The following PARP3 variants were observed in gnomAD, a reference collection of about 807,000 sequenced individuals.
PARP3 encodes poly(ADP-ribose) polymerase family member 3.
Under a neutral mutation model 58.2 loss-of-function variants are expected in PARP3, and 46 were observed. That is an observed-to-expected ratio of 0.79 (90% CI 0.62 to 1.01). The LOEUF (loss-of-function observed/expected upper bound fraction) is 1.01. PARP3 is among the 50% of genes least tolerant of loss of function. The pLI is 0.00. For missense variants in PARP3, 663 were observed against 683.9 expected (o/e 0.97, Z 0.34); for synonymous variants, 252 against 266.4 (o/e 0.95, Z 0.53).
intron 7 of PARP3, 101 bp downstream of exon 7, chr3:51,945,745 C>A: frequency 6.5e-7 from 1 of 1,526,798 alleles, no homozygotes; most frequent in Non-Finnish European, 9.1e-7. Flanking sequence ...TCAGCCTTCT[C>A]TTCCTGTGTC....
chr3:51,947,595 A>G (rs1699709238), intron 9 of PARP3, 145 bp from the exon 10 acceptor site: 3 of 811,578 alleles, frequency 3.7e-6, no homozygotes, highest in Admixed American at 4.7e-5. Flanking sequence ...GGCCGGGACA[A>G]GGAGGGAGTG....
rs1227928596 is a variant in PARP3 at position 51,943,484 on chromosome 3, G to T, written c.129G>T (p.Lys43Asn). The change falls in exon 2 of 11, where the codon AAG (lysine) becomes AAT (asparagine). Residue 43 changes from lysine to asparagine, a missense_variant. Around this residue, in one of 3 missense-constraint regions of PARP3, gnomAD observed 567 missense variants for 553.6 expected, o/e 1.02. Transcript: ENST00000398755. ...AEALKAIPAE[K>N]RIIRVDPTCP... ...CCCTCAAGGCCATACCCGCAGAGAA[G>T]CGCATAATCCGCGTGGATCCAACAT... The T allele has an allele frequency of 6.2e-6, 10 of 1,611,326 alleles. No homozygotes were observed. Among genetic ancestry groups the T allele is most frequent in the Non-Finnish European group, 8.5e-6 (10 of 1,179,174 alleles).
At position 51,946,397 on chromosome 3, in the gene PARP3, G is replaced by A. The variant is rs1022763493; in HGVS notation, c.1276+54G>A. 5 of 1,430,264 alleles carry A rather than the reference G, an allele frequency of 3.5e-6. No individual in the cohort carries two copies. The highest frequency in any genetic ancestry group is 4.8e-6 in the Non-Finnish European group (5 of 1,049,238). The allele number at this position is 1,430,264 out of a possible 1,614,324, so 88.6% of individuals were successfully genotyped here. ...GGAGGGTTGGCACTAAGATGGATTG[G>A]GCCCAGTCCTTGGCCACTGGAAATT... On this transcript the variant is annotated intron_variant, in intron 9 of 10. Transcript: ENST00000398755. The surrounding 1 kb of genome is among the most constrained non-coding windows in gnomAD (Gnocchi z 4.6).
In PARP3 at chr3:51,945,061, T is replaced by G; in HGVS notation, c.698T>G (p.Leu233Trp). 1 of 1,613,110 alleles carries G rather than the reference T, an allele frequency of 6.2e-7. No homozygotes were observed. The highest frequency in any genetic ancestry group is 1.1e-5 in the South Asian group (1 of 91,032). The change falls in exon 6 of 11, where the codon TTG becomes TGG. Residue 233 changes from leucine (L) to tryptophan (W), a missense_variant. This residue lies in a region of PARP3 where 567 missense variants were observed against 553.6 expected (regional missense o/e 1.02). Coordinates refer to ENST00000398755, the MANE Select transcript of PARP3 (RefSeq NM_001003931.4). ...KQQIARGFEA[L>W]EALEEALKGP... The stretch of plus-strand genomic sequence containing the variant: ...CAGATTGCACGGGGTTTCGAGGCCT[T>G]GGAGGCGCTGGAGGAGGCCCTGAAA...
chr3:51,947,489 G>A (rs1273461595), intron 9 of PARP3: 21 of 513,214 alleles, frequency 4.1e-5, no homozygotes, highest in Admixed American at 6.7e-5. Flanking sequence ...CCCCTGCCAC[G>A]GGTTTGGTCA....
chr3:51,948,055 C>T (rs1199748441), intron 10 of PARP3, among the ~76,000 whole-genome samples, 160 bp downstream of exon 10: 1 of 152,214 alleles, frequency 6.6e-6, no homozygotes, highest in African/African-American at 2.4e-5. Flanking sequence ...ACACATCATT[C>T]CTGGGCATCC....
At position 51,943,419 on chromosome 3, in the gene PARP3, G is replaced by A. The variant is rs1424103029; in HGVS notation, c.64G>A (p.Ala22Thr). 5 of 1,605,980 alleles carry A rather than the reference G, an allele frequency of 3.1e-6. No individual in the cohort carries two copies. The South Asian group carries it at 3.3e-5, about 11-fold the overall frequency. ...CCCTGAGAAGAAGAAGGGCCGGCAGGCAGGAAGGGAGGAGGACCCCTTCCG... is the reference window on the plus strand; with the variant it reads ...CCCTGAGAAGAAGAAGGGCCGGCAGACAGGAAGGGAGGAGGACCCCTTCCG... ...EGPEKKKGRQ[A>T]GREEDPFRST... Residue 22 changes from alanine (A) to threonine (T), a missense_variant, in exon 2 of 11, where the codon GCA (alanine) becomes ACA (threonine). Transcript: ENST00000398755.
chr3:51,946,473 C>T lies in PARP3; in HGVS notation c.1276+130C>T. On this transcript the variant is annotated intron_variant, in intron 9 of 10. Transcript: ENST00000398755. The surrounding 1 kb of genome is among the most constrained non-coding windows in gnomAD (Gnocchi z 4.6). ...TTTAATGGTTAATGACTACAGTGCT[C>T]AGTGGGCTGTCCTGGGCTTTGGTGG... 1 of 760,996 alleles carries T rather than the reference C, an allele frequency of 1.3e-6. No homozygotes were observed. Among genetic ancestry groups the T allele is most frequent in the Non-Finnish European group, 2.1e-6 (1 of 485,974 alleles). The allele number at this position is 760,996 out of a possible 1,614,324, so 47.1% of individuals were successfully genotyped here.
chr3:51,946,423 C>A lies in PARP3; in HGVS notation c.1276+80C>A. 1.7e-6 allele frequency: 2 copies of A among 1,152,688 alleles called. No homozygotes were observed. Among genetic ancestry groups the A allele is most frequent in the Non-Finnish European group, 2.5e-6 (2 of 811,204 alleles). The allele number at this position is 1,152,688 out of a possible 1,614,324, so 71.4% of individuals were successfully genotyped here. ...GCCCAGTCCTTGGCCACTGGAAATT[C>A]ATGGTGAATCCAAGAGAGGAATCCT... On this transcript the variant is annotated intron_variant, in intron 9 of 10. Coordinates refer to ENST00000398755, the MANE Select transcript of PARP3 (RefSeq NM_001003931.4). The surrounding 1 kb of genome is among the most constrained non-coding windows in gnomAD (Gnocchi z 4.6).
chr3:51,946,239 T>C lies in PARP3; in HGVS notation c.1172T>C (p.Val391Ala). Residue 391 changes from valine (V) to alanine (A), a missense_variant, in exon 9 of 11, where the codon GTG becomes GCG. This residue lies in a region of PARP3 where 567 missense variants were observed against 553.6 expected (regional missense o/e 1.02). Transcript: ENST00000398755. The surrounding 1 kb of genome is among the most constrained non-coding windows in gnomAD (Gnocchi z 4.6). ...LLWHGTNMAV[V>A]AAILTSGLRI... Reference sequence around the variant, plus strand: ...TGGCATGGCACCAACATGGCCGTGGTGGCCGCCATCCTCACTAGTGGGCTC... The same window carrying C: ...TGGCATGGCACCAACATGGCCGTGGCGGCCGCCATCCTCACTAGTGGGCTC... 1 of 1,614,014 alleles carries C rather than the reference T, an allele frequency of 6.2e-7. No individual in the cohort carries two copies. The highest frequency in any genetic ancestry group is 8.5e-7 in the Non-Finnish European group (1 of 1,179,914).
intron 6 of PARP3, 32 bp from the exon 7 acceptor site, chr3:51,945,463 G>A (rs1409705092): frequency 6.2e-7 from 1 of 1,607,194 alleles, no homozygotes; most frequent in Non-Finnish European, 8.5e-7. Context: ...AGGTCAAGTG[G>A]GAAGACAAAC....
At position 51,948,402 on chromosome 3, in the gene PARP3, C is replaced by T; in HGVS notation, c.1524C>T (p.Ser508=). 1 of 1,614,132 alleles carries T rather than the reference C, an allele frequency of 6.2e-7. No individual in the cohort carries two copies. Residue 508 remains serine, a synonymous_variant, in exon 11 of 11, where the codon TCC becomes TCT. Transcript: ENST00000398755. ...TGCCCTGCCCAGAGTTCAGCAGCTC[C>T]ACATTCTCCCAGAGCGAGTACCTCA... is the stretch of plus-strand genomic sequence containing the variant. ...QPVPCPEFSS[S]TFSQSEYLIY...
Position 51,946,223 on chromosome 3 carries a change from A to T in PARP3, c.1156A>T (p.Thr386Ser). 1.2e-6 allele frequency: 2 copies of T among 1,613,626 alleles called. No homozygotes were observed. The highest frequency in any genetic ancestry group is 1.7e-6 in the Non-Finnish European group (2 of 1,179,694). ...TAATCGGAAGCTGCTGTGGCATGGCACCAACATGGCCGTGGTGGCCGCCAT... is the reference window on the plus strand; with the variant it reads ...TAATCGGAAGCTGCTGTGGCATGGCTCCAACATGGCCGTGGTGGCCGCCAT... ...LGNRKLLWHG[T>S]NMAVVAAILT... The change falls in exon 9 of 11, where the codon ACC becomes TCC. Residue 386 changes from threonine (T) to serine (S), a missense_variant. By Grantham distance (58) the Thr-to-Ser change is moderately conservative. Around this residue, in one of 3 missense-constraint regions of PARP3, gnomAD observed 567 missense variants for 553.6 expected, o/e 1.02. Coordinates refer to ENST00000398755, the MANE Select transcript of PARP3 (RefSeq NM_001003931.4). This position sits in a 1 kb window ranked among gnomAD's most constrained non-coding sequence, Gnocchi z 4.6.
chr3:51,942,831 T>C, intron 1 of PARP3, 123 bp downstream of exon 1: 12 of 1,472,270 alleles, frequency 8.2e-6, no homozygotes, highest in Non-Finnish European at 1.1e-5. Context: ...CTTGAGTCCA[T>C]TGGGAAGGGC....
chr3:51,944,808 A>G lies in PARP3; in HGVS notation c.532A>G (p.Lys178Glu), dbSNP rs751381329. The G allele has an allele frequency of 3.1e-6, 5 of 1,613,274 alleles. No homozygotes were observed. Among genetic ancestry groups the G allele is most frequent in the Non-Finnish European group, 4.2e-6 (5 of 1,179,822 alleles). ...CAGAGGCCCAGTGAGGACTGTGACTAAGCGGGTGCAGCCCTGCTCCCTGGA... is the reference window on the plus strand; with the variant it reads ...CAGAGGCCCAGTGAGGACTGTGACTGAGCGGGTGCAGCCCTGCTCCCTGGA... ...VDRGPVRTVT[K>E]RVQPCSLDPA... The change falls in exon 5 of 11, where the codon AAG becomes GAG. Residue 178 changes from lysine (K) to glutamate (E), a missense_variant. By Grantham distance (56) the Lys-to-Glu change is moderately conservative. This residue lies in a region of PARP3 where 567 missense variants were observed against 553.6 expected (regional missense o/e 1.02). Transcript: ENST00000398755. This position sits in a 1 kb window ranked among gnomAD's most constrained non-coding sequence, Gnocchi z 4.2.
In PARP3 at chr3:51,944,050, A is replaced by G. The variant is rs772867578; in HGVS notation, c.184-39A>G. 3 of 1,594,734 alleles carry G rather than the reference A, an allele frequency of 1.9e-6. No homozygotes were observed. Among genetic ancestry groups the G allele is most frequent in the Non-Finnish European group, 2.6e-6 (3 of 1,169,746 alleles). Reference sequence around the variant, plus strand: ...GGTGTACGGCCAGGCACCCCATCTGACCCCAGCCAGCCTGCCCCCCACCTC... The same window carrying G: ...GGTGTACGGCCAGGCACCCCATCTGGCCCCAGCCAGCCTGCCCCCCACCTC... On this transcript the variant is annotated intron_variant, in intron 2 of 10. Transcript: ENST00000398755. The surrounding 1 kb of genome is among the most constrained non-coding windows in gnomAD (Gnocchi z 4.2).
chr3:51,945,078 G>A lies in PARP3; in HGVS notation c.715G>A (p.Ala239Thr). ...CGAGGCCTTGGAGGCGCTGGAGGAG[G>A]CCCTGAAAGGCCCCACGGATGGTGG... Reference protein sequence around the residue: ...GFEALEALEEALKGPTDGGQS... With the variant: ...GFEALEALEETLKGPTDGGQS... Residue 239 changes from alanine to threonine, a missense_variant, in exon 6 of 11, where the codon GCC (alanine) becomes ACC (threonine). Around this residue, in one of 3 missense-constraint regions of PARP3, gnomAD observed 567 missense variants for 553.6 expected, o/e 1.02. Coordinates refer to ENST00000398755, the MANE Select transcript of PARP3 (RefSeq NM_001003931.4). 1 of 1,614,170 alleles carries A rather than the reference G, an allele frequency of 6.2e-7. No individual in the cohort carries two copies. Among genetic ancestry groups the A allele is most frequent in the Non-Finnish European group, 8.5e-7 (1 of 1,180,038 alleles).
At position 51,944,435 on chromosome 3, in the gene PARP3, GA is replaced by G; in HGVS notation, c.359del (p.Asp120ValfsTer47). ...SKINHFTRLE[D>X]AKKDFEKKFR... ...GATCAACCACTTCACAAGGCTAGAA[GA>G]TGCAAAGAAGGACTTTGAGAAGAAA... On this transcript the variant is annotated frameshift_variant, in exon 4 of 11. Coordinates refer to ENST00000398755, the MANE Select transcript of PARP3 (RefSeq NM_001003931.4). LOFTEE classifies it high-confidence loss of function. The surrounding 1 kb of genome is among the most constrained non-coding windows in gnomAD (Gnocchi z 4.2). 6.2e-7 allele frequency: 1 copy of G among 1,614,092 alleles called. No individual in the cohort carries two copies. The highest frequency in any genetic ancestry group is 8.5e-7 in the Non-Finnish European group (1 of 1,180,046).
Position 51,943,360 on chromosome 3 carries a change from C to A in PARP3, c.5C>A (p.Ala2Asp), listed in dbSNP as rs866112543. The A allele has an allele frequency of 6.3e-7, 1 of 1,576,772 alleles. No individual in the cohort carries two copies. Among genetic ancestry groups the A allele is most frequent in the Admixed American group, 1.9e-5 (1 of 53,076 alleles). Residue 2 changes from alanine to aspartate, a missense_variant, in exon 2 of 11, where the codon GCT becomes GAT. Transcript: ENST00000398755. ...TCTCTGTGCCCCAGGACAGCCATGGCTCCAAAGCCGAAGCCCTGGGTACAG... is the reference window on the plus strand; with the variant it reads ...TCTCTGTGCCCCAGGACAGCCATGGATCCAAAGCCGAAGCCCTGGGTACAG... MAPKPKPWVQTE... is the reference protein window; with the variant it reads MDPKPKPWVQTE...
Sources: allele counts gnomAD v4.1 joint callset (sites outside exome capture counted in the v4.1 genomes callset), GRCh38; gene constraint gnomAD v4.1.1; regional missense constraint gnomAD v4.1.1; non-coding constraint Gnocchi (gnomAD v3.1); transcripts MANE v1.5; gene names NCBI Gene and HGNC (gene_info 2026-07-23, HGNC 2026-07-21).